Variants in EPB41 observed in about 807,000 individuals in gnomAD.
EPB41 encodes erythrocyte membrane protein band 4.1.
In EPB41, 65 loss-of-function variants were observed where a neutral mutation model predicts 108.0. That is an observed-to-expected ratio of 0.60 (90% CI 0.49 to 0.74). The LOEUF (loss-of-function observed/expected upper bound fraction) is 0.74, where lower values mean the gene tolerates loss of function less well. Among genes scored for constraint, EPB41 ranks in the 30% least tolerant of loss-of-function variants. EPB41 has a pLI of 0.00. For synonymous variants in EPB41, 336 were observed against 358.9 expected (o/e 0.94, Z 0.72); for missense variants, 875 against 1,037.0 (o/e 0.84, Z 2.15).
Position 29,115,875 on chromosome 1 carries a change from G to A in EPB41, c.*6+72G>A, listed in dbSNP as rs1404086763. The A allele has an allele frequency of 6.9e-6, 8 of 1,159,308 alleles. No homozygotes were observed. The highest frequency in any genetic ancestry group is 1.8e-5 in the Admixed American group (1 of 56,754). 71.8% of individuals were successfully genotyped at this position (1,159,308 alleles called of 1,614,324 possible). Reference sequence around the variant, plus strand: ...TGAGAGGGCTCTGGATGGGACCCTCGGACACACTGGGAGCCCATCCCCACA... The same window carrying A: ...TGAGAGGGCTCTGGATGGGACCCTCAGACACACTGGGAGCCCATCCCCACA... On this transcript the variant is annotated intron_variant, in intron 20 of 20. Transcript: ENST00000343067. The surrounding 1 kb of genome is among the most constrained non-coding windows in gnomAD (Gnocchi z 4.4).
chr1:28,909,325 A>G (rs2092090640), intron 1 of EPB41, among the ~76,000 whole-genome samples: 1 of 152,112 alleles, frequency 6.6e-6, no homozygotes, highest in Non-Finnish European at 1.5e-5. Context: ...ATAAGAAGCT[A>G]GGTACAGTGG....
Position 29,033,145 on chromosome 1 carries a change from T to C in EPB41, c.1265T>C (p.Val422Ala), listed in dbSNP as rs2096811817. ...GGTGTCTGCTCTAGTGGCCTTCTGGTTTACAAAGATAAGCTGAGAATTAAC... is the reference window on the plus strand; with the variant it reads ...GGTGTCTGCTCTAGTGGCCTTCTGGCTTACAAAGATAAGCTGAGAATTAAC... ...ILGVCSSGLL[V>A]YKDKLRINRF... The change falls in exon 9 of 21, where the codon GTT becomes GCT. Residue 422 changes from valine (V) to alanine (A), a missense_variant. By Grantham distance (64) the Val-to-Ala change is moderately conservative. Around this residue, in one of 3 missense-constraint regions of EPB41, gnomAD observed 519 missense variants for 627.3 expected, o/e 0.83. Coordinates refer to ENST00000343067, the MANE Select transcript of EPB41 (RefSeq NM_001376013.1). The C allele has an allele frequency of 2.5e-6, 4 of 1,613,946 alleles. No homozygotes were observed. The highest frequency in any genetic ancestry group is 4.5e-5 in the East Asian group (2 of 44,858).
At chr1:28,942,808 C>A (rs375122580) in intron 1 of EPB41, among the ~76,000 whole-genome samples, 188 of 152,346 alleles carry the variant, frequency 1.2e-3, no homozygotes, top group African/African-American at 4.3e-3. Flanking sequence ...CAGCCCCCAT[C>A]CTAAGGCTAT....
chr1:28,988,480 C>T (rs758308011), intron 2 of EPB41, among the ~76,000 whole-genome samples: 3 of 151,998 alleles, frequency 2.0e-5, no homozygotes, highest in Non-Finnish European at 4.4e-5. Context: ...CTGCCTCAGC[C>T]TCCCGAGTAG....
At chr1:28,940,989 T>A (rs2094259837) in intron 1 of EPB41, among the ~76,000 whole-genome samples, 1 of 152,110 alleles carries the variant, frequency 6.6e-6, no homozygotes, top group Non-Finnish European at 1.5e-5. Context: ...GAAAGCACAT[T>A]AAAAAAATCA....
intron 16 of EPB41, among the ~76,000 whole-genome samples, chr1:29,082,160 T>C (rs1285208679): frequency 6.6e-6 from 1 of 152,242 alleles, no homozygotes; most frequent in Non-Finnish European, 1.5e-5. Context: ...AGTCTCACTC[T>C]GTCACCCCGG....
At chr1:28,960,696 C>T (rs2095173495) in intron 1 of EPB41, among the ~76,000 whole-genome samples, 1 of 151,776 alleles carries the variant, frequency 6.6e-6, no homozygotes, top group Non-Finnish European at 1.5e-5. Context: ...TGCCACCGCA[C>T]TCCAGCCTGG....
chr1:29,041,922 A>G (rs1488621143), intron 11 of EPB41, among the ~76,000 whole-genome samples: 1 of 152,212 alleles, frequency 6.6e-6, no homozygotes, highest in East Asian at 1.9e-4. Flanking sequence ...TGGCATATGT[A>G]TGGTATTTAG....
At chr1:29,057,867 A>T (rs1315413131) in intron 12 of EPB41, among the ~76,000 whole-genome samples, 1 of 152,154 alleles carries the variant, frequency 6.6e-6, no homozygotes, top group Non-Finnish European at 1.5e-5. Flanking sequence ...TCTACCAAAC[A>T]CATAGGCTCC....
At chr1:29,000,265 A>AT (rs1432209883) in intron 4 of EPB41, among the ~76,000 whole-genome samples, 10 of 151,928 alleles carry the variant, frequency 6.6e-5, no homozygotes, top group Admixed American at 3.9e-4. Flanking sequence ...TGCCTGTCTA[A>AT]TTTTTTGTAT....
At chr1:28,929,843 C>CTTTTTTTTTTTTTTT (rs56337991) in intron 1 of EPB41, among the ~76,000 whole-genome samples, 1 of 101,886 alleles carries the variant, frequency 9.8e-6, no homozygotes, top group African/African-American at 3.3e-5. Context: ...ACTGGGCCTT[C>CTTTTTTTTTTTTTTT]TTTTTTTTTT....
At chr1:29,051,016 T>A (rs561985442) in intron 11 of EPB41, among the ~76,000 whole-genome samples, 2 of 151,100 alleles carry the variant, frequency 1.3e-5, no homozygotes, top group Admixed American at 6.6e-5. Context: ...TTCCTATATA[T>A]CCGCTAAGGA....
At chr1:29,060,630 T>C in intron 15 of EPB41, 146 bp downstream of exon 15, 1 of 699,036 alleles carries the variant, frequency 1.4e-6, no homozygotes. Context: ...TTTTGCATGT[T>C]GGTGAACATG....
intron 12 of EPB41, among the ~76,000 whole-genome samples, chr1:29,057,373 CAAAAAAAAAAA>C (rs72047998): frequency 3.1e-5 from 2 of 65,294 alleles, no homozygotes; most frequent in South Asian, 7.7e-4. Flanking sequence ...GACTCTGTCT[CAAAAAAAAAAA>C]AAAAAAAAAA....
intron 1 of EPB41, among the ~76,000 whole-genome samples, chr1:28,953,903 G>A (rs983769861): frequency 6.6e-6 from 1 of 152,146 alleles, no homozygotes; most frequent in African/African-American, 2.4e-5. Context: ...TGTCAAGGTC[G>A]AGTCTGAGAT....
At chr1:29,076,932 C>A (rs1654326771) in intron 16 of EPB41, among the ~76,000 whole-genome samples, 1 of 152,106 alleles carries the variant, frequency 6.6e-6, no homozygotes, top group African/African-American at 2.4e-5. Context: ...TAAAAATAGG[C>A]CTTGATTTTG....
chr1:29,061,582 T>G (rs948733828), intron 15 of EPB41, among the ~76,000 whole-genome samples: 1 of 136,430 alleles, frequency 7.3e-6, no homozygotes, highest in Non-Finnish European at 1.6e-5. Flanking sequence ...GTTTTTTTTT[T>G]TTTTTTTTTT....
In EPB41 at chr1:29,060,489, G is replaced by A; in HGVS notation, c.2007+5G>A. ...CATAGCAATTTAATGTTGGAGGTTT[G>A]TATGAACTTGAAGCTTATTTCAGTT... On this transcript the variant is annotated splice_donor_5th_base_variant and intron_variant, in intron 15 of 20. Coordinates refer to ENST00000343067, the MANE Select transcript of EPB41 (RefSeq NM_001376013.1). 2.5e-6 allele frequency: 4 copies of A among 1,611,340 alleles called. No homozygotes were observed. Among genetic ancestry groups the A allele is most frequent in the Non-Finnish European group, 3.4e-6 (4 of 1,177,626 alleles).
At chr1:28,888,223 C>A (rs921618794) in intron 1 of EPB41, among the ~76,000 whole-genome samples, 7 of 152,232 alleles carry the variant, frequency 4.6e-5, no homozygotes, top group African/African-American at 1.7e-4. Context: ...TGGACAGAAC[C>A]TGGCTGGGGC....
Sources: allele counts gnomAD v4.1 joint callset (sites outside exome capture counted in the v4.1 genomes callset), GRCh38; gene constraint gnomAD v4.1.1; regional missense constraint gnomAD v4.1.1; non-coding constraint Gnocchi (gnomAD v3.1); transcripts MANE v1.5; gene names NCBI Gene and HGNC (gene_info 2026-07-23, HGNC 2026-07-21).